PCDH15: variants seen among roughly 807,000 people sequenced by gnomAD.
PCDH15 encodes protocadherin-15.
A neutral mutation model predicts 178.5 loss-of-function variants in PCDH15; 129 were observed. The ratio of observed to expected loss-of-function variants is 0.72; its 90% confidence interval spans 0.63 to 0.84. The LOEUF is 0.84. Ranked by LOEUF, PCDH15 falls within the 40% of genes least tolerant of loss-of-function variation. The pLI is 0.00. For missense variants in PCDH15, 2,230 were observed against 2,099.9 expected (o/e 1.06, Z -1.21); for synonymous variants, 800 against 732.0 (o/e 1.09, Z -1.50).
intron 2 of PCDH15, among the ~76,000 whole-genome samples, chr10:55,618,316 G>A (rs547661535): frequency 6.9e-4 from 105 of 151,998 alleles, no homozygotes; most frequent in Non-Finnish European, 1.3e-3. Context: ...TTTAACACAA[G>A]TGTTATTTGT....
chr10:55,377,146 TAAA>T (rs398054373), intron 2 of PCDH15, among the ~76,000 whole-genome samples: 12 of 105,294 alleles, frequency 1.1e-4, no homozygotes, highest in Admixed American at 1.0e-4. Flanking sequence ...CTTTCTTCAC[TAAA>T]AAAAAAAAAA....
chr10:55,474,944 G>A (rs1840034241), intron 2 of PCDH15, among the ~76,000 whole-genome samples: 1 of 152,056 alleles, frequency 6.6e-6, no homozygotes, highest in African/African-American at 2.4e-5. Context: ...TTGCTTACTT[G>A]AGTTTTTGGG....
intron 1 of PCDH15, among the ~76,000 whole-genome samples, chr10:54,769,919 G>A (rs115540454): frequency 0.017 from 2,548 of 152,156 alleles, 93 homozygotes; most frequent in African/African-American, 0.059. Flanking sequence ...CTCCTTAACT[G>A]AAAGTAAAAA....
intron 1 of PCDH15, among the ~76,000 whole-genome samples, chr10:55,307,457 C>A (rs1204780931): frequency 6.6e-6 from 1 of 151,390 alleles, no homozygotes; most frequent in East Asian, 1.9e-4. Context: ...GAGCCAAGAT[C>A]GCACCACTGC....
At chr10:55,542,361 T>A (rs1841783091) in intron 2 of PCDH15, among the ~76,000 whole-genome samples, 2 of 150,952 alleles carry the variant, frequency 1.3e-5, no homozygotes, top group African/African-American at 4.8e-5. Flanking sequence ...TGTGTATATA[T>A]AAATATAAAT....
chr10:54,283,147 G>A (rs1475459825), intron 8 of PCDH15, among the ~76,000 whole-genome samples: 3 of 152,074 alleles, frequency 2.0e-5, no homozygotes, highest in African/African-American at 7.2e-5. Flanking sequence ...TTTATGCAGT[G>A]TTTTAGAAGG....
intron 8 of PCDH15, among the ~76,000 whole-genome samples, chr10:54,295,843 G>C (rs1273505101): frequency 6.6e-6 from 1 of 151,976 alleles, no homozygotes; most frequent in Non-Finnish European, 1.5e-5. Context: ...GCACCTGTCG[G>C]TCAGTTAAAA....
intron 15 of PCDH15, among the ~76,000 whole-genome samples, chr10:54,129,589 C>T (rs973261424): frequency 6.6e-6 from 1 of 152,030 alleles, no homozygotes; most frequent in African/African-American, 2.4e-5. Flanking sequence ...GCTAACTATC[C>T]TTAATGATAC....
chr10:54,654,587 G>T (rs1177190084), intron 2 of PCDH15, among the ~76,000 whole-genome samples: 1 of 152,160 alleles, frequency 6.6e-6, no homozygotes, highest in African/African-American at 2.4e-5. Context: ...GGGAATTGGT[G>T]AAGAACTGGT....
intron 2 of PCDH15, among the ~76,000 whole-genome samples, chr10:55,001,838 C>G (rs1447248355): frequency 6.6e-6 from 1 of 152,176 alleles, no homozygotes; most frequent in African/African-American, 2.4e-5. Flanking sequence ...AAGCAACCCC[C>G]TAAGGATCCT....
chr10:54,158,847 C>T (rs1457487232), intron 13 of PCDH15, among the ~76,000 whole-genome samples: 1 of 152,100 alleles, frequency 6.6e-6, no homozygotes, highest in East Asian at 1.9e-4. Context: ...GTGGCTCACG[C>T]TTGTAATTCC....
At chr10:54,778,739 G>T (rs913832106) in intron 1 of PCDH15, among the ~76,000 whole-genome samples, 4 of 151,982 alleles carry the variant, frequency 2.6e-5, no homozygotes, top group Non-Finnish European at 1.5e-5. Context: ...TTGACTGGTC[G>T]TATTGAATCT....
chr10:55,093,303 T>C (rs527487850), intron 2 of PCDH15, among the ~76,000 whole-genome samples: 8 of 152,224 alleles, frequency 5.3e-5, no homozygotes, highest in African/African-American at 1.9e-4. Context: ...ATGAATAGTT[T>C]GTTTTTTCAG....
chr10:54,291,972 G>C (rs140682997), intron 8 of PCDH15, among the ~76,000 whole-genome samples: 1 of 152,110 alleles, frequency 6.6e-6, no homozygotes, highest in Non-Finnish European at 1.5e-5. Context: ...CTCATTTTAC[G>C]AGGCCAGCAT....
At chr10:54,703,162 T>A (rs1472785121) in intron 1 of PCDH15, among the ~76,000 whole-genome samples, 1 of 152,040 alleles carries the variant, frequency 6.6e-6, no homozygotes, top group African/African-American at 2.4e-5. Context: ...AAAAGTCTGT[T>A]GATAAAATTC....
intron 32 of PCDH15, chr10:53,823,410 T>TTG: frequency 6.5e-7 from 1 of 1,531,386 alleles, no homozygotes; most frequent in Non-Finnish European, 9.0e-7. Flanking sequence ...GTGACACAGC[T>TTG]TTCATGAGAA....
At position 53,940,924 on chromosome 10, in the gene PCDH15, A is replaced by C; in HGVS notation, c.3174T>G (p.Ile1058Met). ...LATKGTMVGV[I>M]SAAAINQSIV... Reference sequence around the variant, plus strand: ...TACTTTGATTAATGGCAGCAGCAGAAATTACACCAACCATGGTCCCTTTGG... The same window carrying C: ...TACTTTGATTAATGGCAGCAGCAGACATTACACCAACCATGGTCCCTTTGG... The change falls in exon 24 of 38, where the codon ATT becomes ATG. Residue 1058 changes from isoleucine to methionine, a missense_variant. By Grantham distance (10) the Ile-to-Met change is conservative. Transcript: ENST00000644397. 1.2e-6 allele frequency: 2 copies of C among 1,613,768 alleles called. No homozygotes were observed. The highest frequency in any genetic ancestry group is 1.7e-6 in the Non-Finnish European group (2 of 1,179,712).
At chr10:54,333,592 G>A (rs994372052) in intron 6 of PCDH15, among the ~76,000 whole-genome samples, 4 of 149,894 alleles carry the variant, frequency 2.7e-5, no homozygotes, top group Non-Finnish European at 5.9e-5. Flanking sequence ...ATTAAGCAAG[G>A]GAAAAAAGTA....
chr10:53,983,269 A>C (rs555491423), intron 21 of PCDH15, among the ~76,000 whole-genome samples: 98 of 151,750 alleles, frequency 6.5e-4, no homozygotes, highest in African/African-American at 2.2e-3. Flanking sequence ...TACACACACA[A>C]AATATATATA....
Sources: allele counts gnomAD v4.1 joint callset (sites outside exome capture counted in the v4.1 genomes callset), GRCh38; gene constraint gnomAD v4.1.1; transcripts MANE v1.5; gene names NCBI Gene and HGNC (gene_info 2026-07-23, HGNC 2026-07-21).